CFAP61: variants seen among roughly 807,000 people sequenced by gnomAD.
The protein encoded by CFAP61 is cilia- and flagella-associated protein 61.
In CFAP61, 107 loss-of-function variants were observed where a neutral mutation model predicts 135.6. The ratio of observed to expected loss-of-function variants is 0.79; its 90% CI spans 0.67 to 0.93. The LOEUF is 0.93. Among genes scored for constraint, CFAP61 ranks in the 40% least tolerant of loss-of-function variants. CFAP61 has a pLI of 0.00. For missense variants in CFAP61, 1,507 were observed against 1,556.2 expected (o/e 0.97, Z 0.53); for synonymous variants, 575 against 578.5 (o/e 0.99, Z 0.09).
In CFAP61 at chr20:20,338,633, G is replaced by A. The variant is rs1180099191; in HGVS notation, c.3423-3198G>A. On this transcript the variant is annotated intron_variant, in intron 25 of 26. Transcript: ENST00000245957. The stretch of plus-strand genomic sequence containing the variant: ...GCCTTGGCCTTGGACTTGAGATCCC[G>A]GCCTTTAAAGGACACCTTTACCACT... Among the ~76,000 whole-genome samples the A allele has an allele frequency of 1.3e-5, 2 of 151,402 alleles. 1 individual carries two copies. The highest frequency in any genetic ancestry group is 1.3e-4 in the Admixed American group (2 of 15,256).
chr20:20,295,340 T>G (rs2055339409), intron 24 of CFAP61, among the ~76,000 whole-genome samples: 1 of 152,200 alleles, frequency 6.6e-6, no homozygotes, highest in Non-Finnish European at 1.5e-5. Flanking sequence ...CTCCCTTTCT[T>G]AATCACTTCC....
chr20:20,319,195 A>G (rs2057305443), intron 25 of CFAP61, among the ~76,000 whole-genome samples: 1 of 152,246 alleles, frequency 6.6e-6, no homozygotes, highest in Non-Finnish European at 1.5e-5. Flanking sequence ...TTCCAGGAAT[A>G]ATGAGAAGCT....
chr20:20,199,109 A>G (rs1166728936), intron 16 of CFAP61, among the ~76,000 whole-genome samples: 1 of 152,250 alleles, frequency 6.6e-6, no homozygotes, highest in Non-Finnish European at 1.5e-5. Flanking sequence ...GACATGATTT[A>G]TCATAGTTCA....
rs1228857398 is a variant in CFAP61, at chr20:20,173,510, CAT to C, written c.1385+4051_1385+4052del. Among the ~76,000 whole-genome samples the C allele has an allele frequency of 7.9e-5, 12 of 152,306 alleles. No homozygotes were observed. The South Asian group carries it at 1.9e-3, about 24-fold the overall frequency. ...TAGTGTTACCTCACTGTTTTAATGA[CAT>C]GTGGTGTTGAGCATGTCTTCATATG... is the stretch of plus-strand genomic sequence containing the variant. On this transcript the variant is annotated intron_variant, in intron 13 of 26. Transcript: ENST00000245957.
chr20:20,324,861 C>A (rs921597591), intron 25 of CFAP61, among the ~76,000 whole-genome samples: 1 of 152,214 alleles, frequency 6.6e-6, no homozygotes, highest in Middle Eastern at 3.4e-3. Context: ...CTGTGAATTG[C>A]GTGTCATTCT....
At chr20:20,260,837 C>T (rs763456156) in intron 20 of CFAP61, among the ~76,000 whole-genome samples, 1 of 152,154 alleles carries the variant, frequency 6.6e-6, no homozygotes, top group Non-Finnish European at 1.5e-5. Context: ...TGTAATGTTA[C>T]CCAGATTTTA....
At chr20:20,323,716 C>A (rs1386155614) in intron 25 of CFAP61, among the ~76,000 whole-genome samples, 1 of 152,148 alleles carries the variant, frequency 6.6e-6, no homozygotes, top group Non-Finnish European at 1.5e-5. Context: ...AAAAGTAGTA[C>A]ATGATCATTG....
intron 6 of CFAP61, chr20:20,085,231 C>T: frequency 1.0e-6 from 1 of 985,438 alleles, no homozygotes; most frequent in Non-Finnish European, 1.2e-6. Context: ...ACAGGCAGCG[C>T]TCATTGCCTC....
intron 8 of CFAP61, among the ~76,000 whole-genome samples, chr20:20,140,027 T>C (rs1046184470): frequency 3.7e-4 from 57 of 152,014 alleles, no homozygotes; most frequent in African/African-American, 1.3e-3. Flanking sequence ...AGTTTTCTGC[T>C]GATCAAAAGT....
At chr20:20,069,354 C>T (rs533158538) in intron 2 of CFAP61, among the ~76,000 whole-genome samples, 1 of 152,278 alleles carries the variant, frequency 6.6e-6, no homozygotes, top group East Asian at 1.9e-4. Flanking sequence ...GATCTCGGCT[C>T]ACTGCAGCCT....
At chr20:20,128,262 GT>G (rs1264962762) in intron 8 of CFAP61, among the ~76,000 whole-genome samples, 1 of 151,700 alleles carries the variant, frequency 6.6e-6, no homozygotes, top group East Asian at 1.9e-4. Context: ...TCTCCCCGTG[GT>G]GTTTTTCCCC....
intron 17 of CFAP61, among the ~76,000 whole-genome samples, chr20:20,205,300 A>T (rs2056809744): frequency 6.6e-6 from 1 of 152,186 alleles, no homozygotes; most frequent in Admixed American, 6.5e-5. Flanking sequence ...GTAAACAGTT[A>T]CTGCAATTAC....
chr20:20,286,056 C>G (rs1490053560), intron 22 of CFAP61, among the ~76,000 whole-genome samples: 1 of 148,962 alleles, frequency 6.7e-6, no homozygotes, highest in Non-Finnish European at 1.5e-5. Flanking sequence ...GGGAAATTAT[C>G]CCCATCCTGG....
Position 20,339,917 on chromosome 20 carries a change from C to T in CFAP61, c.3423-1914C>T, listed in dbSNP as rs545712565. ...TTCAGAGCTTTTCCAGTTTGAATGA[C>T]GAAAGCTGCCATGCTGCTGCTGTAG... On this transcript the variant is annotated intron_variant, in intron 25 of 26. Coordinates refer to ENST00000245957, the MANE Select transcript of CFAP61 (RefSeq NM_015585.4). 1.4e-4 allele frequency among the ~76,000 whole-genome samples: 21 copies of T among 152,352 alleles called. No individual in the cohort carries two copies. The South Asian group carries it at 2.1e-3, about 15-fold the overall frequency.
intron 8 of CFAP61, among the ~76,000 whole-genome samples, chr20:20,139,379 C>A (rs1197301235): frequency 6.6e-6 from 1 of 152,238 alleles, no homozygotes; most frequent in Non-Finnish European, 1.5e-5. Flanking sequence ...TAAGCAGTCT[C>A]ACTTAGAGAG....
chr20:20,346,073 T>C (rs2058623372), intron 26 of CFAP61, among the ~76,000 whole-genome samples: 1 of 132,434 alleles, frequency 7.6e-6, no homozygotes, highest in Non-Finnish European at 1.6e-5. Flanking sequence ...GGCTAATTTT[T>C]TGTATTTTTA....
In CFAP61 at chr20:20,260,633, T is replaced by C. The variant is rs182713802; in HGVS notation, c.2329-2323T>C. On this transcript the variant is annotated intron_variant, in intron 20 of 26. Transcript: ENST00000245957. ...ATCAGAATGCAATTACATTTCAAGA[T>C]TGTAGTGAGCTAATTTTCAATTTGG... is the stretch of plus-strand genomic sequence containing the variant. 5.0e-4 allele frequency among the ~76,000 whole-genome samples: 76 copies of C among 152,340 alleles called. No homozygotes were observed. The East Asian group carries it at 0.011, about 22-fold the overall frequency.
In CFAP61 at chr20:20,056,007, G is replaced by A. The variant is rs959202464; in HGVS notation, c.-36-611G>A. On this transcript the variant is annotated intron_variant, in intron 1 of 26. Transcript: ENST00000245957. The stretch of plus-strand genomic sequence containing the variant: ...CTGGAACGTTAGGTTCTCCACTGTT[G>A]CCGTCATTAGAGATTCTCTTCCCAA... 4 of 1,606,936 alleles carry A rather than the reference G, an allele frequency of 2.5e-6. No individual in the cohort carries two copies. In the African/African-American group the frequency reaches 5.4e-5, roughly 22 times the overall value.
At chr20:20,097,621 C>A (rs1026523941) in intron 7 of CFAP61, among the ~76,000 whole-genome samples, 1 of 152,212 alleles carries the variant, frequency 6.6e-6, no homozygotes, top group Admixed American at 6.5e-5. Context: ...AGTTACTCAT[C>A]TTCTCGCCTA....
Sources: allele counts gnomAD v4.1 joint callset (sites outside exome capture counted in the v4.1 genomes callset), GRCh38; gene constraint gnomAD v4.1.1; transcripts MANE v1.5; gene names NCBI Gene and HGNC (gene_info 2026-07-23, HGNC 2026-07-21).